DYNC2I1: variants seen among roughly 807,000 people sequenced by gnomAD.
The protein encoded by DYNC2I1 is cytoplasmic dynein 2 intermediate chain 1.
A neutral mutation model predicts 133.4 loss-of-function variants in DYNC2I1; 89 were observed. The observed-to-expected ratio is 0.67, with a 90% CI of 0.56 to 0.80. The LOEUF (loss-of-function observed/expected upper bound fraction) is 0.80, where lower values mean the gene tolerates loss of function less well. Ranked by LOEUF, DYNC2I1 falls within the 30% of genes least tolerant of loss-of-function variation. The pLI is 0.00. For missense variants in DYNC2I1, 1,291 were observed against 1,314.5 expected, an observed-to-expected ratio of 0.98 and a Z score of 0.28; for synonymous variants, 504 against 484.3, an observed-to-expected ratio of 1.04 and a Z score of -0.54.
intron 10 of DYNC2I1, chr7:158,902,841 CT>C: frequency 2.1e-6 from 1 of 479,352 alleles, no homozygotes; most frequent in Non-Finnish European, 3.7e-6. Context: ...GCACCCAGGC[CT>C]TAGGTTAGCT....
intron 15 of DYNC2I1, among the ~76,000 whole-genome samples, chr7:158,920,394 G>A (rs1005752699): frequency 6.6e-6 from 1 of 151,200 alleles, no homozygotes; most frequent in Non-Finnish European, 1.5e-5. Context: ...CGGGGAACAC[G>A]TGAAGTGCGT....
rs773659236 is a variant in DYNC2I1, at chr7:158,879,889, G to A, written c.779G>A (p.Arg260Gln). ...DKGEERHKEK[R>Q]HKEGFHFDDE... ...GGGGAAGAAAGACATAAAGAAAAGC[G>A]ACACAAAGAAGGTTTTCATTTTGAT... Residue 260 changes from arginine to glutamine, a missense_variant, in exon 5 of 25, where the codon CGA becomes CAA. Arg to Gln is a conservative substitution (Grantham distance 43, BLOSUM62 1). Coordinates refer to ENST00000407559, the MANE Select transcript of DYNC2I1 (RefSeq NM_018051.5). The A allele has an allele frequency of 4.3e-6, 7 of 1,613,614 alleles. No homozygotes were observed. The Admixed American group carries it at 6.7e-5, about 15-fold the overall frequency.
rs763544882 is a variant in DYNC2I1, at chr7:158,876,647, G to C, written c.529G>C (p.Glu177Gln). The C allele has an allele frequency of 6.3e-7, 1 of 1,582,730 alleles. No homozygotes were observed. Among genetic ancestry groups the C allele is most frequent in the South Asian group, 1.2e-5 (1 of 84,382 alleles). Reference sequence around the variant, plus strand: ...AAGTGAAGAGAAAGATGAAGACTCTGAAAGAGGAGATGAAGATAGAGAAAG... The same window carrying C: ...AAGTGAAGAGAAAGATGAAGACTCTCAAAGAGGAGATGAAGATAGAGAAAG... ...VRSEEKDEDS[E>Q]RGDEDRERRY... is the part of the protein sequence containing the mutation. Residue 177 changes from glutamate to glutamine, a missense_variant, in exon 4 of 25, where the codon GAA becomes CAA. Coordinates refer to ENST00000407559, the MANE Select transcript of DYNC2I1 (RefSeq NM_018051.5).
intron 10 of DYNC2I1, among the ~76,000 whole-genome samples, chr7:158,905,731 A>C (rs369171832): frequency 4.6e-5 from 7 of 152,120 alleles, no homozygotes; most frequent in African/African-American, 1.7e-4. Flanking sequence ...GTGCATTCTT[A>C]AGTATTTCTA....
In DYNC2I1 at chr7:158,923,668, G is replaced by A; in HGVS notation, c.2192G>A (p.Arg731Lys). Residue 731 changes from arginine to lysine, a missense_variant, in exon 17 of 25, where the codon AGG becomes AAG. By Grantham distance (26) the Arg-to-Lys change is conservative (BLOSUM62 2). Coordinates refer to ENST00000407559, the MANE Select transcript of DYNC2I1 (RefSeq NM_018051.5). ...GTCTGGGATTTGAGAGAAGACTCAAGGCTGCATTACTCTGTGACGCTGAGC... is the reference window on the plus strand; with the variant it reads ...GTCTGGGATTTGAGAGAAGACTCAAAGCTGCATTACTCTGTGACGCTGAGC... The part of the protein sequence containing the change: ...VVVWDLREDS[R>K]LHYSVTLSDG... The A allele has an allele frequency of 1.2e-6, 2 of 1,613,986 alleles. No homozygotes were observed. Among genetic ancestry groups the A allele is most frequent in the Non-Finnish European group, 1.7e-6 (2 of 1,179,896 alleles).
intron 24 of DYNC2I1, among the ~76,000 whole-genome samples, chr7:158,943,985 TGAGCAGCCA>T (rs1184273888): frequency 6.6e-6 from 1 of 152,202 alleles, no homozygotes; most frequent in Non-Finnish European, 1.5e-5. Context: ...CTCCTCCTGT[TGAGCAGCCA>T]GAGGGACCTG....
the DYNC2I1 span, among the ~76,000 whole-genome samples, chr7:158,844,022 C>T: frequency 6.6e-6 from 1 of 152,126 alleles, no homozygotes; most frequent in African/African-American, 2.4e-5. Context: ...GCAGGAAAGT[C>T]AATCATGCAT....
At chr7:158,908,558 A>G (rs1325881925) in intron 11 of DYNC2I1, among the ~76,000 whole-genome samples, 2 of 152,274 alleles carry the variant, frequency 1.3e-5, no homozygotes, top group East Asian at 3.8e-4. Flanking sequence ...CCCTAGTTAA[A>G]AATGGGCACA....
At chr7:158,879,127 G>T (rs1843732316) in intron 4 of DYNC2I1, among the ~76,000 whole-genome samples, 1 of 152,146 alleles carries the variant, frequency 6.6e-6, no homozygotes, top group African/African-American at 2.4e-5. Flanking sequence ...GAGTTACTGT[G>T]TGGCGTTGGG....
chr7:158,916,403 TCGACACG>T (rs1848301523), intron 14 of DYNC2I1, among the ~76,000 whole-genome samples: 2 of 75,660 alleles, frequency 2.6e-5, no homozygotes, highest in African/African-American at 8.7e-5. Context: ...TTGTGAAACG[TCGACACG>T]CTGGTTGACA....
intron 11 of DYNC2I1, among the ~76,000 whole-genome samples, chr7:158,907,313 T>G (rs1846934655): frequency 6.9e-6 from 1 of 145,284 alleles, no homozygotes; most frequent in African/African-American, 2.6e-5. Context: ...CTGATTCAAG[T>G]TCTCAGAAAA....
At chr7:158,898,468 T>C (rs1045775869) in intron 8 of DYNC2I1, among the ~76,000 whole-genome samples, 4 of 152,256 alleles carry the variant, frequency 2.6e-5, no homozygotes, top group Non-Finnish European at 4.4e-5. Flanking sequence ...AATTGGCATC[T>C]TTATCATTGT....
At chr7:158,889,559 T>C (rs1844981954) in intron 7 of DYNC2I1, among the ~76,000 whole-genome samples, 1 of 152,196 alleles carries the variant, frequency 6.6e-6, no homozygotes, top group Non-Finnish European at 1.5e-5. Context: ...AAGCTCCAGG[T>C]TGGCATTGTT....
At chr7:158,844,901 G>A in the DYNC2I1 span, among the ~76,000 whole-genome samples, 6 of 152,128 alleles carry the variant, frequency 3.9e-5, no homozygotes, top group Admixed American at 1.3e-4. Context: ...GATTGCAGGC[G>A]TGAGCCACTG....
intron 21 of DYNC2I1, among the ~76,000 whole-genome samples, chr7:158,933,221 G>A (rs952157217): frequency 6.6e-6 from 1 of 152,158 alleles, no homozygotes. Flanking sequence ...AAATACATAG[G>A]CCATATAAAG....
intron 8 of DYNC2I1, among the ~76,000 whole-genome samples, chr7:158,893,065 T>G (rs1166531670): frequency 6.6e-6 from 1 of 152,118 alleles, no homozygotes; most frequent in African/African-American, 2.4e-5. Flanking sequence ...TTACAGTTGA[T>G]GAGCCTACGT....
chr7:158,928,416 C>A (rs1431756884), intron 20 of DYNC2I1, among the ~76,000 whole-genome samples: 1 of 152,158 alleles, frequency 6.6e-6, no homozygotes, highest in Non-Finnish European at 1.5e-5. Context: ...TTGTTCCTAA[C>A]CTCTTGAGAT....
At chr7:158,891,578 A>G (rs1845220380) in intron 8 of DYNC2I1, among the ~76,000 whole-genome samples, 1 of 152,186 alleles carries the variant, frequency 6.6e-6, no homozygotes, top group African/African-American at 2.4e-5. Context: ...GGTTGTGTGC[A>G]CACCGTCAGG....
intron 13 of DYNC2I1, 124 bp from the exon 14 acceptor site, chr7:158,914,109 T>G: frequency 1.4e-6 from 1 of 699,146 alleles, no homozygotes; most frequent in Non-Finnish European, 2.3e-6. Flanking sequence ...GCTTGAAGTT[T>G]TCTGTCTTTT....
Sources: gnomAD v4.1 joint callset for allele counts (sites outside exome capture counted in the v4.1 genomes callset) on GRCh38, gnomAD v4.1.1 for gene constraint, MANE v1.5 for transcripts, NCBI Gene and HGNC (gene_info 2026-07-23, HGNC 2026-07-21) for gene names.